CNTN5: variants seen among roughly 807,000 people sequenced by gnomAD.
CNTN5 encodes the protein contactin 5.
CNTN5 carries 77 observed loss-of-function variants against 129.1 expected under a neutral mutation model. That is an observed-to-expected ratio of 0.60 (90% confidence interval 0.50 to 0.72). CNTN5 has a LOEUF of 0.72. Among genes scored for constraint, CNTN5 ranks in the 30% least tolerant of loss-of-function variants. CNTN5 has a pLI of 0.00. For missense variants in CNTN5, 1,478 were observed against 1,328.8 expected (o/e 1.11, Z -1.75); for synonymous variants, 509 against 465.6 (o/e 1.09, Z -1.20).
chr11:99,363,335 G>A (rs1051191728), intron 2 of CNTN5, among the ~76,000 whole-genome samples: 1 of 152,094 alleles, frequency 6.6e-6, no homozygotes, highest in Non-Finnish European at 1.5e-5. Flanking sequence ...TAAATAAAAT[G>A]TAGAATCTGA....
chr11:99,288,955 C>T (rs1415601367), intron 1 of CNTN5, among the ~76,000 whole-genome samples: 1 of 151,682 alleles, frequency 6.6e-6, no homozygotes, highest in African/African-American at 2.4e-5. Flanking sequence ...GTATTTGGTT[C>T]CTAGATCCTC....
At chr11:99,494,100 G>T (rs1056655184) in intron 2 of CNTN5, among the ~76,000 whole-genome samples, 1 of 152,046 alleles carries the variant, frequency 6.6e-6, no homozygotes, top group African/African-American at 2.4e-5. Flanking sequence ...TTTAATTTTG[G>T]TGTAGTACCA....
chr11:100,064,628 G>A (rs988789139), intron 10 of CNTN5, among the ~76,000 whole-genome samples: 2 of 151,972 alleles, frequency 1.3e-5, no homozygotes, highest in Non-Finnish European at 2.9e-5. Flanking sequence ...TTGATAATAG[G>A]ATTTTCATGG....
chr11:100,267,591 G>T (rs1950332573), intron 17 of CNTN5, among the ~76,000 whole-genome samples: 1 of 152,032 alleles, frequency 6.6e-6, no homozygotes, highest in Non-Finnish European at 1.5e-5. Context: ...GGCAGCCCAG[G>T]TATAAGGAGC....
intron 9 of CNTN5, among the ~76,000 whole-genome samples, chr11:100,055,342 A>G (rs1943170507): frequency 1.3e-5 from 2 of 151,462 alleles, no homozygotes; most frequent in South Asian, 2.1e-4. Flanking sequence ...CTTTTTATAC[A>G]CACACATTAT....
intron 3 of CNTN5, among the ~76,000 whole-genome samples, chr11:99,782,094 A>G (rs1008400180): frequency 5.9e-4 from 89 of 151,322 alleles, no homozygotes; most frequent in Admixed American, 1.1e-3. Context: ...TCTCAGCCCA[A>G]AATCTCCTTA....
intron 9 of CNTN5, among the ~76,000 whole-genome samples, chr11:100,007,322 T>G (rs756702038): frequency 2.0e-5 from 3 of 152,114 alleles, no homozygotes; most frequent in Non-Finnish European, 4.4e-5. Context: ...CCTTTGAAGT[T>G]TTGAAACCAG....
At chr11:99,197,639 C>T (rs1858969715) in intron 1 of CNTN5, among the ~76,000 whole-genome samples, 1 of 152,016 alleles carries the variant, frequency 6.6e-6, no homozygotes, top group South Asian at 2.1e-4. Context: ...TACAGCTTCA[C>T]AGCAAGAATG....
intron 6 of CNTN5, among the ~76,000 whole-genome samples, chr11:99,856,271 A>G (rs1378005096): frequency 6.6e-6 from 1 of 152,136 alleles, no homozygotes; most frequent in Non-Finnish European, 1.5e-5. Flanking sequence ...CTTTTTACAG[A>G]GCTTTTTTAA....
intron 1 of CNTN5, among the ~76,000 whole-genome samples, chr11:99,230,703 G>A (rs552403726): frequency 2.2e-4 from 34 of 152,186 alleles, no homozygotes; most frequent in African/African-American, 7.9e-4. Flanking sequence ...GGATGTGCAG[G>A]TTTGTTACAC....
chr11:99,838,926 AG>A (rs1038382017), intron 4 of CNTN5, among the ~76,000 whole-genome samples: 1 of 152,196 alleles, frequency 6.6e-6, no homozygotes, highest in African/African-American at 2.4e-5. Flanking sequence ...TCACGGGGAA[AG>A]AAATTAAGCT....
At chr11:99,147,919 T>C (rs1206520328) in intron 1 of CNTN5, among the ~76,000 whole-genome samples, 1 of 152,086 alleles carries the variant, frequency 6.6e-6, no homozygotes, top group African/African-American at 2.4e-5. Context: ...AACGTATTTA[T>C]ATGTTAATTT....
chr11:99,499,880 T>C (rs1448419358), intron 2 of CNTN5, among the ~76,000 whole-genome samples: 2 of 152,228 alleles, frequency 1.3e-5, no homozygotes, highest in Non-Finnish European at 2.9e-5. Context: ...TCTTTCTTTA[T>C]GTATTGGGTG....
intron 3 of CNTN5, among the ~76,000 whole-genome samples, chr11:99,726,469 A>T (rs1943343205): frequency 6.6e-6 from 1 of 152,214 alleles, no homozygotes; most frequent in Non-Finnish European, 1.5e-5. Flanking sequence ...TTCTACTAGC[A>T]AAACGAAATA....
chr11:99,351,591 T>C (rs1372858437), intron 2 of CNTN5, among the ~76,000 whole-genome samples: 1 of 152,190 alleles, frequency 6.6e-6, no homozygotes, highest in Non-Finnish European at 1.5e-5. Context: ...TAAATGATGG[T>C]ATAAACGATT....
intron 3 of CNTN5, among the ~76,000 whole-genome samples, chr11:99,610,890 A>G (rs17879325): frequency 0.13 from 20,434 of 152,184 alleles, 1,555 homozygotes; most frequent in Non-Finnish European, 0.18. Flanking sequence ...GAGAGCAATA[A>G]ATAAGCAGCG....
intron 1 of CNTN5, among the ~76,000 whole-genome samples, chr11:99,284,379 A>C (rs1863831295): frequency 6.6e-6 from 1 of 152,164 alleles, no homozygotes; most frequent in Admixed American, 6.6e-5. Flanking sequence ...TCAAGAAATT[A>C]TTCAACACTT....
chr11:100,064,673 T>C lies in CNTN5; in HGVS notation c.1162+3280T>C, dbSNP rs1473586705. Among the ~76,000 whole-genome samples the C allele has an allele frequency of 4.6e-5, 7 of 152,276 alleles. No individual in the cohort carries two copies. The East Asian group carries it at 1.4e-3, about 29-fold the overall frequency. Reference sequence around the variant, plus strand: ...TTTCTTTGGCTATTTCTGTCCCCTCTAGTTTCTGACGATTGATGAAAAAGA... The same window carrying C: ...TTTCTTTGGCTATTTCTGTCCCCTCCAGTTTCTGACGATTGATGAAAAAGA... On this transcript the variant is annotated intron_variant, in intron 10 of 24. Transcript: ENST00000524871.
At chr11:99,913,649 G>T (rs1453581) in intron 6 of CNTN5, among the ~76,000 whole-genome samples, 18,318 of 151,834 alleles carry the variant, frequency 0.12, 1,408 homozygotes, top group East Asian at 0.35. Flanking sequence ...CACAATTTAG[G>T]TCATAGTTAT....
Sources: gnomAD v4.1 joint callset for allele counts (sites outside exome capture counted in the v4.1 genomes callset) on GRCh38, gnomAD v4.1.1 for gene constraint, MANE v1.5 for transcripts, NCBI Gene and HGNC (gene_info 2026-07-23, HGNC 2026-07-21) for gene names.